TBX4: variants seen among roughly 807,000 people sequenced by gnomAD.
TBX4 encodes the protein T-box transcription factor TBX4.
TBX4 carries 13 observed loss-of-function variants against 54.6 expected under a neutral mutation model. The observed-to-expected ratio is 0.24, with a 90% CI of 0.15 to 0.38. The LOEUF is 0.38. Among genes scored for constraint, TBX4 ranks in the 10% least tolerant of loss-of-function variants. The pLI is 1.00. For missense variants in TBX4, 631 were observed against 728.5 expected, an observed-to-expected ratio of 0.87 and a Z score of 1.54; for synonymous variants, 314 against 306.7, an observed-to-expected ratio of 1.02 and a Z score of -0.25.
At chr17:61,470,678 G>A (rs992682034) in intron 5 of TBX4, among the ~76,000 whole-genome samples, 3 of 152,230 alleles carry the variant, frequency 2.0e-5, no homozygotes, top group Admixed American at 6.5e-5. Flanking sequence ...GGAGCAGAAA[G>A]GACCAAGGGG....
At position 61,479,302 on chromosome 17, in the gene TBX4, C is replaced by T. The variant is rs2060646016; in HGVS notation, c.702+523C>T. On this transcript the variant is annotated intron_variant, in intron 6 of 8. Transcript: ENST00000644296. The surrounding 1 kb of genome is among the most constrained non-coding windows in gnomAD (Gnocchi z 6.1). ...CCGGCCACCCCCACTGCATCCCAGT[C>T]ACTGACAGCCGTGCTCTGCCGCCCG... Among the ~76,000 whole-genome samples, 1 of 152,180 alleles carries T rather than the reference C, an allele frequency of 6.6e-6. No homozygotes were observed. Among genetic ancestry groups the T allele is most frequent in the Admixed American group, 6.5e-5 (1 of 15,288 alleles).
chr17:61,477,745 A>G (rs1203676545), intron 5 of TBX4, among the ~76,000 whole-genome samples: 1 of 152,186 alleles, frequency 6.6e-6, no homozygotes, highest in African/African-American at 2.4e-5. Flanking sequence ...GTTCGAGACC[A>G]GCCTGACCAA....
chr17:61,481,106 G>A lies in TBX4; in HGVS notation c.1021+787G>A, dbSNP rs538490936. Among the ~76,000 whole-genome samples the A allele has an allele frequency of 2.7e-4, 41 of 152,158 alleles. No individual in the cohort carries two copies. The highest frequency in any genetic ancestry group is 5.4e-4 in the Non-Finnish European group (37 of 68,030). On this transcript the variant is annotated intron_variant, in intron 8 of 8. Transcript: ENST00000644296. The surrounding 1 kb of genome is among the most constrained non-coding windows in gnomAD (Gnocchi z 4.8). ...GCCCAGCAGAGCTCCGAGATCCCCT[G>A]TACAAGTCTCATTAGAACTCAATGA... is the stretch of plus-strand genomic sequence containing the variant.
Position 61,464,780 on chromosome 17 carries a change from T to C in TBX4, c.282-1039T>C, listed in dbSNP as rs536269562. ...CGTTTGTGTATGCGCTGTGCTGTTGTGTGTGCGTATGTGCTGAGGGGTGTG... is the reference window on the plus strand; with the variant it reads ...CGTTTGTGTATGCGCTGTGCTGTTGCGTGTGCGTATGTGCTGAGGGGTGTG... On this transcript the variant is annotated intron_variant, in intron 3 of 8. Transcript: ENST00000644296. This position sits in a 1 kb window ranked among gnomAD's most constrained non-coding sequence, Gnocchi z 5.8. 1.3e-5 allele frequency among the ~76,000 whole-genome samples: 2 copies of C among 152,240 alleles called. No homozygotes were observed. Among genetic ancestry groups the C allele is most frequent in the Admixed American group, 6.5e-5 (1 of 15,308 alleles).
chr17:61,469,866 T>C (rs2060563730), intron 5 of TBX4, among the ~76,000 whole-genome samples: 1 of 152,180 alleles, frequency 6.6e-6, no homozygotes. Context: ...GGCTTCTCAG[T>C]GCAAGAGGCT....
chr17:61,469,494 C>T (rs1383292248), intron 5 of TBX4, among the ~76,000 whole-genome samples: 7 of 152,304 alleles, frequency 4.6e-5, no homozygotes, highest in African/African-American at 9.6e-5. Context: ...ATGAGTGGGA[C>T]GCAGAGCATC....
rs377647407 is a variant in TBX4 at position 61,479,853 on chromosome 17, G to A, written c.703-28G>A. The A allele has an allele frequency of 6.2e-7, 1 of 1,609,328 alleles. No homozygotes were observed. The highest frequency in any genetic ancestry group is 1.3e-5 in the African/African-American group (1 of 74,922). Reference sequence around the variant, plus strand: ...GAGACACATTTGTGTGCCTCACACTGGTGACCCTATGTGTTTTCTCCCCAC... The same window carrying A: ...GAGACACATTTGTGTGCCTCACACTAGTGACCCTATGTGTTTTCTCCCCAC... On this transcript the variant is annotated intron_variant, in intron 6 of 8. Transcript: ENST00000644296. The surrounding 1 kb of genome is among the most constrained non-coding windows in gnomAD (Gnocchi z 6.1).
chr17:61,456,692 C>A lies in TBX4; in HGVS notation c.186+16C>A. Reference sequence around the variant, plus strand: ...CGCGGAGCAGGTAGGGCTGCGCCAGCCGTCGGGTAGAAGTCGGGCGTCGGT... The same window carrying A: ...CGCGGAGCAGGTAGGGCTGCGCCAGACGTCGGGTAGAAGTCGGGCGTCGGT... On this transcript the variant is annotated intron_variant, in intron 2 of 8. Transcript: ENST00000644296. The A allele has an allele frequency of 1.5e-6, 2 of 1,377,182 alleles. No individual in the cohort carries two copies. Among genetic ancestry groups the A allele is most frequent in the Non-Finnish European group, 1.9e-6 (2 of 1,063,192 alleles). 85.3% of individuals were successfully genotyped at this position (1,377,182 alleles called of 1,614,324 possible).
rs1366008092 is a variant in TBX4, at chr17:61,452,444, C to T, written c.-137C>T. The T allele has an allele frequency of 6.6e-6, 1 of 152,294 alleles. No homozygotes were observed. Among genetic ancestry groups the T allele is most frequent in the Non-Finnish European group, 1.5e-5 (1 of 68,096 alleles). 9.4% of individuals were successfully genotyped at this position (152,294 alleles called of 1,614,324 possible). A position where few individuals can be genotyped will look rare whatever the true frequency, so the allele number is the denominator to read the frequency against. ...TCCAGAGCCGGGATGTGTCCAGCCCCGAGGGCACGGCAGGCAGCTGGACCC... is the reference window on the plus strand; with the variant it reads ...TCCAGAGCCGGGATGTGTCCAGCCCTGAGGGCACGGCAGGCAGCTGGACCC... On this transcript the variant is annotated 5_prime_UTR_variant, in exon 1 of 9. Transcript: ENST00000644296.
rs746252044 is a variant in TBX4, at chr17:61,461,501, G to T, written c.281+3870G>T. ...TTGGAGAAACAAAGGGTTTTAAGGG[G>T]ACCCCTGCCATTTCACTGCTGTAGG... On this transcript the variant is annotated intron_variant, in intron 3 of 8. Coordinates refer to ENST00000644296, the MANE Select transcript of TBX4 (RefSeq NM_001321120.2). This position sits in a 1 kb window ranked among gnomAD's most constrained non-coding sequence, Gnocchi z 5.1. Among the ~76,000 whole-genome samples the T allele has an allele frequency of 6.6e-6, 1 of 152,098 alleles. No individual in the cohort carries two copies. Among genetic ancestry groups the T allele is most frequent in the Non-Finnish European group, 1.5e-5 (1 of 68,032 alleles).
rs1401814063 is a variant in TBX4, at chr17:61,478,499, C to T, written c.550-128C>T. 9.2e-6 allele frequency: 12 copies of T among 1,308,214 alleles called. No individual in the cohort carries two copies. The highest frequency in any genetic ancestry group is 3.7e-5 in the South Asian group (3 of 81,864). 81.0% of individuals were successfully genotyped at this position (1,308,214 alleles called of 1,614,324 possible). A position where few individuals can be genotyped will look rare whatever the true frequency, so the allele number is the denominator to read the frequency against. On this transcript the variant is annotated intron_variant, in intron 5 of 8. Coordinates refer to ENST00000644296, the MANE Select transcript of TBX4 (RefSeq NM_001321120.2). The surrounding 1 kb of genome is among the most constrained non-coding windows in gnomAD (Gnocchi z 7.4). ...TTCACTTGGGAGCTCCAGTCCTGGT[C>T]GGTAGGCCCCGGATCCTGGGCTTTG...
Position 61,467,640 on chromosome 17 carries a change from C to T in TBX4, c.532C>T (p.Leu178=), listed in dbSNP as rs367714205. Residue 178 remains leucine (L), a synonymous_variant, in exon 5 of 9, where the codon CTG becomes TTG. Transcript: ENST00000644296. ...GAAGCTGAAGCTGACAAACAACCAC[C>T]TGGACCCCTTTGGCCATGTAAGCAT... ...FQKLKLTNNH[L]DPFGHIILNS... The T allele has an allele frequency of 6.2e-7, 1 of 1,614,226 alleles. No individual in the cohort carries two copies. The highest frequency in any genetic ancestry group is 8.5e-7 in the Non-Finnish European group (1 of 1,180,048).
Position 61,465,721 on chromosome 17 carries a change from G to A in TBX4, c.282-98G>A, listed in dbSNP as rs2060531188. On this transcript the variant is annotated intron_variant, in intron 3 of 8. Coordinates refer to ENST00000644296, the MANE Select transcript of TBX4 (RefSeq NM_001321120.2). The surrounding 1 kb of genome is among the most constrained non-coding windows in gnomAD (Gnocchi z 4.9). ...AATGCCAGGATCGCTGGCCAAAAGG[G>A]CAGCATCTGTTAGCGGCCTTCTGCC... 3.9e-6 allele frequency: 6 copies of A among 1,519,892 alleles called. No homozygotes were observed. In the Admixed American group the frequency reaches 6.7e-5, roughly 17 times the overall value. 94.2% of individuals were successfully genotyped at this position (1,519,892 alleles called of 1,614,324 possible).
At position 61,483,774 on chromosome 17, in the gene TBX4, A is replaced by G; in HGVS notation, c.*258A>G. The G allele has an allele frequency of 1.0e-5, 5 of 499,786 alleles. No individual in the cohort carries two copies. Among genetic ancestry groups the G allele is most frequent in the South Asian group, 8.1e-5 (4 of 49,472 alleles). The allele number at this position is 499,786 out of a possible 1,614,324, so 31.0% of individuals were successfully genotyped here. A position where few individuals can be genotyped will look rare whatever the true frequency, so the allele number is the denominator to read the frequency against. On this transcript the variant is annotated 3_prime_UTR_variant, in exon 9 of 9. Coordinates refer to ENST00000644296, the MANE Select transcript of TBX4 (RefSeq NM_001321120.2). This position sits in a 1 kb window ranked among gnomAD's most constrained non-coding sequence, Gnocchi z 6.6. ...GATTTTGGCTGCAGGACCTGGGTCTATTGTTATCTGACATCTCTTGACATG... is the reference window on the plus strand; with the variant it reads ...GATTTTGGCTGCAGGACCTGGGTCTGTTGTTATCTGACATCTCTTGACATG...
rs375091484 is a variant in TBX4 at position 61,478,739 on chromosome 17, A to C, written c.662A>C (p.Glu221Ala). ...GCTTTCTGCACCCACGTGTTCCCAG[A>C]GACCTCCTTCATCTCTGTGACCTCC... ...NTAFCTHVFP[E>A]TSFISVTSYQ... The change falls in exon 6 of 9, where the codon GAG becomes GCG. Residue 221 changes from glutamate (E) to alanine (A), a missense_variant. Glu to Ala is a moderately radical substitution (Grantham distance 107, BLOSUM62 -1). Coordinates refer to ENST00000644296, the MANE Select transcript of TBX4 (RefSeq NM_001321120.2). This position sits in a 1 kb window ranked among gnomAD's most constrained non-coding sequence, Gnocchi z 7.4. 3.7e-6 allele frequency: 6 copies of C among 1,614,180 alleles called. No individual in the cohort carries two copies. In the South Asian group the frequency reaches 6.6e-5, roughly 18 times the overall value.
chr17:61,479,950 C>T lies in TBX4; in HGVS notation c.772C>T (p.Arg258Cys), dbSNP rs138858259. 2.2e-5 allele frequency: 36 copies of T among 1,613,966 alleles called. No homozygotes were observed. Among genetic ancestry groups the T allele is most frequent in the South Asian group, 3.3e-5 (3 of 91,064 alleles). ...GFRGSDDSDL[R>C]VARLQSKEYP... ...CCGGGGCAGTGATGACAGTGACCTG[C>T]GTGTGGCCCGACTGCAGAGGTGGGG... is the stretch of plus-strand genomic sequence containing the variant. The change falls in exon 7 of 9, where the codon CGT (arginine) becomes TGT (cysteine). Residue 258 changes from arginine (R) to cysteine (C), a missense_variant. Transcript: ENST00000644296. This position sits in a 1 kb window ranked among gnomAD's most constrained non-coding sequence, Gnocchi z 6.1.
In TBX4 at chr17:61,457,716, G is replaced by T. The variant is rs372729498; in HGVS notation, c.281+85G>T. The T allele has an allele frequency of 7.2e-5, 94 of 1,313,650 alleles. No individual in the cohort carries two copies. The East Asian group carries it at 1.7e-3, about 24-fold the overall frequency. 81.4% of individuals were successfully genotyped at this position (1,313,650 alleles called of 1,614,324 possible). A position where few individuals can be genotyped will look rare whatever the true frequency, so the allele number is the denominator to read the frequency against. On this transcript the variant is annotated intron_variant, in intron 3 of 8. Coordinates refer to ENST00000644296, the MANE Select transcript of TBX4 (RefSeq NM_001321120.2). The surrounding 1 kb of genome is among the most constrained non-coding windows in gnomAD (Gnocchi z 8.2). ...GTCCCTTAGAAGTCCTCTCGGCCCC[G>T]GCCTGGTGGCCTGTGGGAGGCCTCT...
At position 61,456,627 on chromosome 17, in the gene TBX4, GC is replaced by G. The variant is rs1414958198; in HGVS notation, c.143del (p.Pro48ArgfsTer40). 4.3e-6 allele frequency: 6 copies of G among 1,381,020 alleles called. No homozygotes were observed. The highest frequency in any genetic ancestry group is 1.8e-5 in the South Asian group (1 of 55,894). The allele number at this position is 1,381,020 out of a possible 1,614,324, so 85.5% of individuals were successfully genotyped here. ...GGCCTCAGCGGAGCCGCGCTAGGCA[GC>G]CCCCCGGGACCCGGGGCCGACGTCG... is the stretch of plus-strand genomic sequence containing the variant. ...APGLSGAALG[S>X]PPGPGADVVA... On this transcript the variant is annotated frameshift_variant, in exon 2 of 9. Transcript: ENST00000644296. LOFTEE classifies it high-confidence loss of function.
chr17:61,477,405 A>G (rs981737154), intron 5 of TBX4, among the ~76,000 whole-genome samples: 15 of 152,208 alleles, frequency 9.9e-5, no homozygotes, highest in African/African-American at 3.6e-4. Context: ...GCGCTTTGCT[A>G]AGCTTTGTCC....
Sources: allele counts gnomAD v4.1 joint callset (sites outside exome capture counted in the v4.1 genomes callset), GRCh38; gene constraint gnomAD v4.1.1; non-coding constraint Gnocchi (gnomAD v3.1); transcripts MANE v1.5; gene names NCBI Gene and HGNC (gene_info 2026-07-23, HGNC 2026-07-21).